ULK4: variants seen among roughly 807,000 people sequenced by gnomAD.
The protein encoded by ULK4 is inactive serine/threonine-protein kinase ULK4.
In ULK4, 133 loss-of-function variants were observed where a neutral mutation model predicts 160.6. The observed-to-expected ratio is 0.83, with a 90% CI of 0.72 to 0.96. The LOEUF is 0.96. Ranked by LOEUF, ULK4 falls within the 40% of genes least tolerant of loss-of-function variation. The pLI, the probability that ULK4 is intolerant of heterozygous loss-of-function variation, is 0.00. For synonymous variants in ULK4, 534 were observed against 539.8 expected, an observed-to-expected ratio of 0.99 and a Z score of 0.15; for missense variants, 1,580 against 1,499.5, an observed-to-expected ratio of 1.05 and a Z score of -0.89.
At chr3:41,422,997 A>G (rs1033538045) in intron 34 of ULK4, among the ~76,000 whole-genome samples, 3 of 152,226 alleles carry the variant, frequency 2.0e-5, no homozygotes, top group Admixed American at 2.0e-4. Context: ...ATGCTATTAA[A>G]AAGAATGAGA....
intron 17 of ULK4, among the ~76,000 whole-genome samples, chr3:41,874,069 CAG>C (rs1333302014): frequency 6.6e-6 from 1 of 151,908 alleles, no homozygotes; most frequent in Non-Finnish European, 1.5e-5. Context: ...TCATATATCT[CAG>C]AAAGTGCAAC....
intron 17 of ULK4, among the ~76,000 whole-genome samples, chr3:41,838,012 A>G (rs1202927453): frequency 2.0e-5 from 3 of 152,210 alleles, no homozygotes; most frequent in Non-Finnish European, 4.4e-5. Flanking sequence ...CAGTCCTTGC[A>G]GCAGGTCACT....
intron 34 of ULK4, among the ~76,000 whole-genome samples, chr3:41,432,305 T>G (rs1437104562): frequency 6.6e-6 from 1 of 152,210 alleles, no homozygotes; most frequent in Non-Finnish European, 1.5e-5. Context: ...CAACTTTAAA[T>G]GGCGTTTTCT....
chr3:41,528,227 A>G (rs1257813989), intron 32 of ULK4, among the ~76,000 whole-genome samples: 2 of 152,224 alleles, frequency 1.3e-5, no homozygotes, highest in African/African-American at 4.8e-5. Context: ...ACCCTGAAGA[A>G]GCACAAAGTG....
chr3:41,646,635 T>C (rs531694465), intron 30 of ULK4, among the ~76,000 whole-genome samples: 2 of 152,346 alleles, frequency 1.3e-5, no homozygotes, highest in African/African-American at 4.8e-5. Context: ...ATTTTTTCCT[T>C]CATTTCAACT....
At chr3:41,728,593 T>C (rs2037726100) in intron 22 of ULK4, among the ~76,000 whole-genome samples, 1 of 151,884 alleles carries the variant, frequency 6.6e-6, no homozygotes, top group African/African-American at 2.4e-5. Flanking sequence ...GCCATTAGAT[T>C]AAATGAGATC....
At chr3:41,801,230 T>G (rs2040450613) in intron 19 of ULK4, among the ~76,000 whole-genome samples, 1 of 152,044 alleles carries the variant, frequency 6.6e-6, no homozygotes. Context: ...ATTAACAGAT[T>G]AGACACTACA....
intron 34 of ULK4, among the ~76,000 whole-genome samples, chr3:41,402,166 T>C (rs111782390): frequency 1.1e-4 from 17 of 152,326 alleles, no homozygotes; most frequent in African/African-American, 3.6e-4. Flanking sequence ...CTTGCACATA[T>C]TTAATGTATA....
At chr3:41,452,207 C>G (rs1408735266) in intron 34 of ULK4, among the ~76,000 whole-genome samples, 1 of 152,100 alleles carries the variant, frequency 6.6e-6, no homozygotes, top group Non-Finnish European at 1.5e-5. Flanking sequence ...ATCAGAACCT[C>G]CAGAAAGCTC....
intron 17 of ULK4, among the ~76,000 whole-genome samples, chr3:41,866,978 C>T (rs1374203437): frequency 6.6e-6 from 1 of 152,118 alleles, no homozygotes; most frequent in African/African-American, 2.4e-5. Flanking sequence ...TGTATTTTCT[C>T]TTTACTTTCT....
chr3:41,955,759 A>C (rs901032418), intron 1 of ULK4: 1 of 150,776 alleles, frequency 6.6e-6, no homozygotes, highest in African/African-American at 2.4e-5. Flanking sequence ...ACAAAGAAGG[A>C]CTGAGGCCCC....
chr3:41,935,987 CAGAGTGCCCCTGAG>C, intron 3 of ULK4, 47 bp from the exon 4 acceptor site: 1 of 1,513,930 alleles, frequency 6.6e-7, no homozygotes, highest in Non-Finnish European at 8.9e-7. Flanking sequence ...CCTACCATCA[CAGAGTGCCCCTGAG>C]AGGTTCCACG....
chr3:41,486,374 G>A (rs924008626), intron 32 of ULK4, among the ~76,000 whole-genome samples: 1 of 152,138 alleles, frequency 6.6e-6, no homozygotes, highest in Non-Finnish European at 1.5e-5. Context: ...GAACATTAAA[G>A]TGTGCAGAAA....
At chr3:41,878,697 G>A (rs73081378) in intron 17 of ULK4, among the ~76,000 whole-genome samples, 14,513 of 83,780 alleles carry the variant, frequency 0.17, 918 homozygotes, top group Middle Eastern at 0.41. Context: ...AAAAAAAAAA[G>A]AGTGAGGAGT....
intron 34 of ULK4, among the ~76,000 whole-genome samples, chr3:41,447,073 G>T (rs2083313336): frequency 1.1e-5 from 1 of 87,762 alleles, no homozygotes; most frequent in Non-Finnish European, 2.0e-5. Context: ...GACAGAGCGA[G>T]ACTCTGTCTC....
chr3:41,794,420 C>T (rs1575719986), intron 20 of ULK4, among the ~76,000 whole-genome samples: 1 of 152,014 alleles, frequency 6.6e-6, no homozygotes, highest in African/African-American at 2.4e-5. Context: ...AATCCTGGCA[C>T]TTTGGGAGGC....
chr3:41,681,838 T>G, intron 27 of ULK4, 34 bp from the exon 28 acceptor site: 2 of 1,608,408 alleles, frequency 1.2e-6, no homozygotes, highest in Non-Finnish European at 1.7e-6. Flanking sequence ...TCAGAATCTC[T>G]ATGAACACAA....
chr3:41,438,223 T>C (rs748553266), intron 34 of ULK4, among the ~76,000 whole-genome samples: 6 of 152,126 alleles, frequency 3.9e-5, no homozygotes, highest in Non-Finnish European at 8.8e-5. Flanking sequence ...CAGCCTCACT[T>C]CTTTTTGTAC....
chr3:41,467,531 A>T (rs1269322849), intron 32 of ULK4, among the ~76,000 whole-genome samples: 1 of 152,198 alleles, frequency 6.6e-6, no homozygotes, highest in Non-Finnish European at 1.5e-5. Flanking sequence ...TGTTACAAAC[A>T]AACAAAAAAA....
Sources: allele counts gnomAD v4.1 joint callset (sites outside exome capture counted in the v4.1 genomes callset), GRCh38; gene constraint gnomAD v4.1.1; transcripts MANE v1.5; gene names NCBI Gene and HGNC (gene_info 2026-07-23, HGNC 2026-07-21).